MIPOL1: variants seen among roughly 807,000 people sequenced by gnomAD.
MIPOL1 encodes mirror-image polydactyly 1, also known as mirror-image polydactyly gene 1 protein.
A neutral mutation model predicts 60.9 loss-of-function variants in MIPOL1; 57 were observed. The observed-to-expected ratio is 0.94, with a 90% CI of 0.76 to 1.17. The LOEUF is 1.17. Ranked by LOEUF, MIPOL1 falls within the 50% of genes most tolerant of loss-of-function variation. The pLI, the probability that MIPOL1 is intolerant of heterozygous loss-of-function variation, is 0.00. For synonymous variants in MIPOL1, 179 were observed against 168.8 expected (o/e 1.06, Z -0.47); for missense variants, 551 against 511.6 (o/e 1.08, Z -0.74).
intron 3 of MIPOL1, among the ~76,000 whole-genome samples, chr14:37,248,889 G>A (rs1454124383): frequency 2.0e-5 from 3 of 152,044 alleles, no homozygotes; most frequent in African/African-American, 7.2e-5. Context: ...CAGCCTGAGA[G>A]GCAGAGAACA....
intron 11 of MIPOL1, among the ~76,000 whole-genome samples, chr14:37,464,304 A>T (rs1004503498): frequency 2.6e-5 from 4 of 152,148 alleles, no homozygotes; most frequent in African/African-American, 9.7e-5. Flanking sequence ...TTATCTCAAC[A>T]CTAGTAGAGC....
At chr14:37,322,821 G>T (rs967879279) in intron 9 of MIPOL1, among the ~76,000 whole-genome samples, 1 of 151,958 alleles carries the variant, frequency 6.6e-6, no homozygotes, top group Non-Finnish European at 1.5e-5. Context: ...TTTTGATGGG[G>T]TTGTTTGTTT....
At chr14:37,530,528 T>G (rs935815920) in intron 12 of MIPOL1, among the ~76,000 whole-genome samples, 7 of 152,190 alleles carry the variant, frequency 4.6e-5, no homozygotes, top group African/African-American at 1.4e-4. Flanking sequence ...CCCAAATAAT[T>G]AAACTCTTTC....
At chr14:37,438,474 C>T (rs938094775) in intron 11 of MIPOL1, among the ~76,000 whole-genome samples, 16 of 152,218 alleles carry the variant, frequency 1.1e-4, no homozygotes, top group East Asian at 5.8e-4. Flanking sequence ...TTAAGGCCAT[C>T]GACAGTGGCA....
In MIPOL1 at chr14:37,284,062, C is replaced by G. The variant is rs112359760; in HGVS notation, c.494-1256C>G. Among the ~76,000 whole-genome samples the G allele has an allele frequency of 2.3e-3, 345 of 152,080 alleles. 2 individuals are homozygous for G. Among genetic ancestry groups the G allele is most frequent in the African/African-American group, 7.8e-3 (323 of 41,474 alleles). On this transcript the variant is annotated intron_variant, in intron 6 of 12. Coordinates refer to ENST00000684589, the MANE Select transcript of MIPOL1 (RefSeq NM_001388067.1). ...AAAATTATGTAAGATTTCAAACATA[C>G]AAACAATAAAATTATGCCTAAGAAA...
intron 9 of MIPOL1, among the ~76,000 whole-genome samples, chr14:37,318,176 A>G (rs2153443401): frequency 1.3e-5 from 2 of 152,262 alleles, no homozygotes; most frequent in Non-Finnish European, 1.5e-5. Context: ...TGTAACCTTC[A>G]AGGTTATCTT....
rs1974463327 is a variant in MIPOL1, at chr14:37,253,681, AT to A, written c.19+5776del. On this transcript the variant is annotated intron_variant, in intron 3 of 12. Transcript: ENST00000684589. ...ATCCTTAATAACAGTATTTGAAATG[AT>A]TGTAATAGTATTTTAGGAAGTCTAT... Among the ~76,000 whole-genome samples the A allele has an allele frequency of 2.6e-5, 4 of 151,744 alleles. No individual in the cohort carries two copies. The Admixed American group carries it at 2.6e-4, about 10-fold the overall frequency.
intron 5 of MIPOL1, 60 bp downstream of exon 5, chr14:37,268,853 T>C: frequency 7.7e-7 from 1 of 1,300,060 alleles, no homozygotes; most frequent in African/African-American, 1.5e-5. Context: ...TCTTCTAAAT[T>C]TCCTTTGTTG....
rs1306889228 is a variant in MIPOL1 at position 37,547,044 on chromosome 14, C to T, written c.*73C>T. The T allele has an allele frequency of 7.8e-7, 1 of 1,285,478 alleles. No individual in the cohort carries two copies. The highest frequency in any genetic ancestry group is 1.1e-6 in the Non-Finnish European group (1 of 889,444). The allele number at this position is 1,285,478 out of a possible 1,614,324, so 79.6% of individuals were successfully genotyped here. A position where few individuals can be genotyped will look rare whatever the true frequency, so the allele number is the denominator to read the frequency against. On this transcript the variant is annotated 3_prime_UTR_variant, in exon 13 of 13. Transcript: ENST00000684589. ...GCTGCTTCATTCAACACTGTGTAAA[C>T]ACCAAAGCCTTAACTTAGCAAACAG...
chr14:37,360,707 T>G (rs1169566467), intron 9 of MIPOL1, among the ~76,000 whole-genome samples: 1 of 152,312 alleles, frequency 6.6e-6, no homozygotes, highest in East Asian at 1.9e-4. Flanking sequence ...TTCTTCCCTC[T>G]TTTGTTCTTT....
intron 11 of MIPOL1, among the ~76,000 whole-genome samples, chr14:37,446,431 C>G (rs944677696): frequency 8.5e-5 from 13 of 152,080 alleles, no homozygotes; most frequent in African/African-American, 3.1e-4. Flanking sequence ...ACAACAGGTG[C>G]TGGAGAGGAT....
At chr14:37,288,389 G>A (rs1318486333) in intron 7 of MIPOL1, among the ~76,000 whole-genome samples, 1 of 152,112 alleles carries the variant, frequency 6.6e-6, no homozygotes, top group Non-Finnish European at 1.5e-5. Flanking sequence ...TACTTTACAA[G>A]AAATAACATT....
chr14:37,484,902 T>G (rs1444893518), intron 11 of MIPOL1, among the ~76,000 whole-genome samples: 1 of 152,180 alleles, frequency 6.6e-6, no homozygotes, highest in African/African-American at 2.4e-5. Flanking sequence ...TGTGCAGTTT[T>G]GTTACATAGG....
At chr14:37,409,050 G>A (rs1351609785) in intron 10 of MIPOL1, among the ~76,000 whole-genome samples, 1 of 152,140 alleles carries the variant, frequency 6.6e-6, no homozygotes, top group Non-Finnish European at 1.5e-5. Context: ...CAAGGCTAGG[G>A]AGCTGAACCA....
rs2095552916 is a variant in MIPOL1, at chr14:37,548,183, T to G, written c.*1212T>G. 1.1e-4 allele frequency: 16 copies of G among 152,042 alleles called. No individual in the cohort carries two copies. Among genetic ancestry groups the G allele is most frequent in the Admixed American group, 1.0e-3 (16 of 15,274 alleles). The allele number at this position is 152,042 out of a possible 1,614,324, so 9.4% of individuals were successfully genotyped here. On this transcript the variant is annotated 3_prime_UTR_variant, in exon 13 of 13. Coordinates refer to ENST00000684589, the MANE Select transcript of MIPOL1 (RefSeq NM_001388067.1). ...TTTTTCTAAGTCTATACGTTTTTAATTCATCTTTAAGATTGAGCTAAATTA... is the reference window on the plus strand; with the variant it reads ...TTTTTCTAAGTCTATACGTTTTTAAGTCATCTTTAAGATTGAGCTAAATTA...
chr14:37,317,833 A>G (rs1300931078), intron 9 of MIPOL1, among the ~76,000 whole-genome samples: 1 of 152,216 alleles, frequency 6.6e-6, no homozygotes, highest in African/African-American at 2.4e-5. Flanking sequence ...AAATCCCTAA[A>G]TGATACATAT....
rs1393417530 is a variant in MIPOL1, at chr14:37,306,388, G to T, written c.624-1668G>T. Among the ~76,000 whole-genome samples the T allele has an allele frequency of 2.0e-5, 3 of 151,744 alleles. No individual in the cohort carries two copies. The East Asian group carries it at 5.8e-4, about 29-fold the overall frequency. Reference sequence around the variant, plus strand: ...TAACCTTGGTAACTAAATGTCTTTTGTTGTTGCAAAGGTTCCAGAGGAATC... The same window carrying T: ...TAACCTTGGTAACTAAATGTCTTTTTTTGTTGCAAAGGTTCCAGAGGAATC... On this transcript the variant is annotated intron_variant, in intron 7 of 12. Transcript: ENST00000684589.
chr14:37,247,936 G>T (rs1973433571), intron 3 of MIPOL1, 29 bp downstream of exon 3: 1 of 1,609,584 alleles, frequency 6.2e-7, no homozygotes. Flanking sequence ...TTAATACCAA[G>T]CCCCAGGTGT....
chr14:37,282,475 C>T (rs1485701926), intron 6 of MIPOL1, among the ~76,000 whole-genome samples: 1 of 151,820 alleles, frequency 6.6e-6, no homozygotes, highest in African/African-American at 2.4e-5. Flanking sequence ...CATGGTAGCT[C>T]ACACCTATAA....
Sources: gnomAD v4.1 joint callset for allele counts (sites outside exome capture counted in the v4.1 genomes callset) on GRCh38, gnomAD v4.1.1 for gene constraint, MANE v1.5 for transcripts, NCBI Gene and HGNC (gene_info 2026-07-23, HGNC 2026-07-21) for gene names.